Variants in RNF123 observed in about 807,000 individuals in gnomAD.
The protein encoded by RNF123 is E3 ubiquitin-protein ligase RNF123.
In RNF123, 86 loss-of-function variants were observed where a neutral mutation model predicts 168.5. The ratio of observed to expected loss-of-function variants is 0.51; its 90% confidence interval spans 0.43 to 0.61. RNF123 has a LOEUF of 0.61. RNF123 is among the 20% of genes least tolerant of loss of function. The pLI is 0.00. For synonymous variants in RNF123, 666 were observed against 689.1 expected (o/e 0.97, Z 0.52); for missense variants, 1,419 against 1,729.7 (o/e 0.82, Z 3.19).
intron 3 of RNF123, among the ~76,000 whole-genome samples, chr3:49,691,751 A>G (rs1182065455): frequency 1.3e-5 from 2 of 152,180 alleles, no homozygotes; most frequent in Non-Finnish European, 2.9e-5. Context: ...GCGGGTGCAC[A>G]TTCATGCCCA....
Position 49,699,027 on chromosome 3 carries a change from T to C in RNF123, c.686T>C (p.Leu229Pro). 1.2e-6 allele frequency: 2 copies of C among 1,613,980 alleles called. No individual in the cohort carries two copies. Among genetic ancestry groups the C allele is most frequent in the African/African-American group, 1.3e-5 (1 of 75,054 alleles). ...GCCTTTGAGAACCTGTCCAGGGGCC[T>C]GGGTATGGCCTACTTCCCAGCCATC... Reference protein sequence around the residue: ...GTAFENLSRGLGMAYFPAISL... With the variant: ...GTAFENLSRGPGMAYFPAISL... Residue 229 changes from leucine to proline, a missense_variant, in exon 10 of 39, where the codon CTG becomes CCG. Physicochemically the swap from Leu to Pro is moderately conservative, Grantham distance 98. Around this residue, in one of 5 missense-constraint regions of RNF123, gnomAD observed 318 missense variants for 446.6 expected, o/e 0.71. Transcript: ENST00000327697. This position sits in a 1 kb window ranked among gnomAD's most constrained non-coding sequence, Gnocchi z 4.8.
intron 25 of RNF123, among the ~76,000 whole-genome samples, 158 bp from the exon 26 acceptor site, chr3:49,706,633 A>T (rs2054525812): frequency 6.6e-6 from 1 of 152,228 alleles, no homozygotes; most frequent in East Asian, 1.9e-4. Flanking sequence ...GCTCAGGGTC[A>T]CCAGAGGGTC....
In RNF123 at chr3:49,719,189, C is replaced by G. The variant is rs1291939916; in HGVS notation, c.3501-1322C>G. On this transcript the variant is annotated intron_variant, in intron 35 of 38. Transcript: ENST00000327697. ...CCCAGCGCATCTAGTTCGTTGTGGT[C>G]TAGGTGCAGGGCGCGCAGCTGGAAG... The G allele has an allele frequency of 2.5e-6, 4 of 1,613,440 alleles. No homozygotes were observed. The South Asian group carries it at 4.4e-5, about 18-fold the overall frequency.
rs1244869935 is a variant in RNF123 at position 49,721,278 on chromosome 3, T to C, written c.3918T>C (p.Asn1306=). 2.5e-6 allele frequency: 4 copies of C among 1,614,178 alleles called. No homozygotes were observed. The highest frequency in any genetic ancestry group is 1.1e-5 in the South Asian group (1 of 91,088). The part of the protein sequence containing the change: ...VSVEDWEKGA[N]TSTTSSAA ...TAGAGGACTGGGAGAAGGGAGCCAA[T>C]ACGAGTACTACCTCCTCAGCTGCCT... Residue 1306 remains asparagine, a synonymous_variant, in exon 39 of 39, where the codon AAT becomes AAC. Transcript: ENST00000327697.
chr3:49,719,411 C>G (rs1392023884), intron 35 of RNF123: 1 of 1,613,654 alleles, frequency 6.2e-7, no homozygotes, highest in Non-Finnish European at 8.5e-7. Flanking sequence ...TCCGGGGTGC[C>G]TAACCCAACG....
chr3:49,715,253 C>T (rs917621922), intron 31 of RNF123, among the ~76,000 whole-genome samples: 1 of 152,212 alleles, frequency 6.6e-6, no homozygotes, highest in Non-Finnish European at 1.5e-5. Flanking sequence ...TAGGTCTGAC[C>T]CTATCTGAAG....
rs1272642320 is a variant in RNF123 at position 49,705,602 on chromosome 3, A to G, written c.2227A>G (p.Thr743Ala). ...CCCCGAGGAGCCTGAGCAGCCCCTCACCGAGAACTCGCTGCTGGAAGTCCT... is the reference window on the plus strand; with the variant it reads ...CCCCGAGGAGCCTGAGCAGCCCCTCGCCGAGAACTCGCTGCTGGAAGTCCT... ...RPPEEPEQPL[T>A]ENSLLEVLDG... The change falls in exon 24 of 39, where the codon ACC (threonine) becomes GCC (alanine). Residue 743 changes from threonine to alanine, a missense_variant. By Grantham distance (58) the Thr-to-Ala change is moderately conservative (BLOSUM62 0). This residue lies in a region of RNF123 where 538 missense variants were observed against 708.8 expected (regional missense o/e 0.76). Transcript: ENST00000327697. The G allele has an allele frequency of 6.2e-7, 1 of 1,613,564 alleles. No individual in the cohort carries two copies. Among genetic ancestry groups the G allele is most frequent in the East Asian group, 2.2e-5 (1 of 44,884 alleles).
Position 49,703,567 on chromosome 3 carries a change from C to G in RNF123, c.1852+39C>G, listed in dbSNP as rs745594048. On this transcript the variant is annotated intron_variant, in intron 21 of 38. Transcript: ENST00000327697. Reference sequence around the variant, plus strand: ...TGTGGGCCGGGAGCAGTTCTGGGGCCAGGTGGGGGACTGTCCCTGAGCCTG... The same window carrying G: ...TGTGGGCCGGGAGCAGTTCTGGGGCGAGGTGGGGGACTGTCCCTGAGCCTG... 4 of 1,541,264 alleles carry G rather than the reference C, an allele frequency of 2.6e-6. No individual in the cohort carries two copies. The African/African-American group carries it at 4.1e-5, about 16-fold the overall frequency.
chr3:49,712,946 C>A, intron 27 of RNF123: 1 of 703,026 alleles, frequency 1.4e-6, no homozygotes, highest in South Asian at 1.5e-5. Context: ...GAGCAACTGC[C>A]ATGGTCCAGG....
intron 20 of RNF123, among the ~76,000 whole-genome samples, chr3:49,703,144 G>A (rs908517640): frequency 6.6e-6 from 1 of 152,202 alleles, no homozygotes; most frequent in Non-Finnish European, 1.5e-5. Flanking sequence ...CCACAGGACT[G>A]GGGCTGGGCC....
intron 27 of RNF123, 74 bp from the exon 28 acceptor site, chr3:49,713,439 C>A: frequency 6.9e-7 from 1 of 1,446,582 alleles, no homozygotes; most frequent in Non-Finnish European, 9.5e-7. Flanking sequence ...TACCCAAGTC[C>A]ACCCACCCTG....
At position 49,691,223 on chromosome 3, in the gene RNF123, G is replaced by T; in HGVS notation, c.58G>T (p.Asp20Tyr). Reference sequence around the variant, plus strand: ...CCGCAAGAGCTATAGGCTGACCTCAGATGCTGAGAAATCCAGGGTCACAGG... The same window carrying T: ...CCGCAAGAGCTATAGGCTGACCTCATATGCTGAGAAATCCAGGGTCACAGG... ...FSRKSYRLTS[D>Y]AEKSRVTGIV... The change falls in exon 2 of 39, where the codon GAT becomes TAT. Residue 20 changes from aspartate (D) to tyrosine (Y), a missense_variant. Physicochemically the swap from Asp to Tyr is radical, Grantham distance 160. This residue lies in a region of RNF123 where 318 missense variants were observed against 446.6 expected (regional missense o/e 0.71). Coordinates refer to ENST00000327697, the MANE Select transcript of RNF123 (RefSeq NM_022064.5). 6.2e-7 allele frequency: 1 copy of T among 1,613,994 alleles called. No individual in the cohort carries two copies. The highest frequency in any genetic ancestry group is 8.5e-7 in the Non-Finnish European group (1 of 1,179,830).
In RNF123 at chr3:49,708,461, G is replaced by A. The variant is rs1056746473; in HGVS notation, c.2496+1563G>A. Among the ~76,000 whole-genome samples, 3 of 152,342 alleles carry A rather than the reference G, an allele frequency of 2.0e-5. No individual in the cohort carries two copies. In the East Asian group the frequency reaches 5.8e-4, roughly 29 times the overall value. The stretch of plus-strand genomic sequence containing the variant: ...CCTGGGTCTGGCAGCTGGGGGAGCA[G>A]TGGTTCTGGCATCAGGTCCCTGAGT... On this transcript the variant is annotated intron_variant, in intron 26 of 38. Coordinates refer to ENST00000327697, the MANE Select transcript of RNF123 (RefSeq NM_022064.5).
At chr3:49,718,168 GA>G (rs1199387428) in intron 35 of RNF123, 1 of 1,613,166 alleles carries the variant, frequency 6.2e-7, no homozygotes, top group Non-Finnish European at 8.5e-7. Flanking sequence ...GAGTACTGAG[GA>G]CTGTGCGCTC....
intron 26 of RNF123, among the ~76,000 whole-genome samples, chr3:49,712,170 G>C (rs538503720): frequency 4.0e-5 from 6 of 151,374 alleles, no homozygotes; most frequent in African/African-American, 7.3e-5. Flanking sequence ...GGTTTCCAGT[G>C]AGCCAAGAGG....
chr3:49,694,692 GT>G (rs1398451334), intron 3 of RNF123, among the ~76,000 whole-genome samples: 1 of 152,212 alleles, frequency 6.6e-6, no homozygotes, highest in Non-Finnish European at 1.5e-5. Flanking sequence ...CTTTAGGCAG[GT>G]CCAAAAGGCA....
At chr3:49,712,761 G>A (rs899125746) in intron 27 of RNF123, 105 bp downstream of exon 27, 1 of 1,309,454 alleles carries the variant, frequency 7.6e-7, no homozygotes, top group South Asian at 1.2e-5. Flanking sequence ...ACACTTCTGT[G>A]GGGGGCGGGG....
At chr3:49,717,862 C>T in intron 35 of RNF123, 1 of 1,417,866 alleles carries the variant, frequency 7.1e-7, no homozygotes, top group Non-Finnish European at 9.5e-7. Context: ...CAGTGCTTCC[C>T]ACCAGTATCT....
intron 7 of RNF123, 133 bp downstream of exon 7, chr3:49,698,270 C>G (rs550586814): frequency 1.1e-6 from 1 of 944,186 alleles, no homozygotes; most frequent in Non-Finnish European, 1.6e-6. Flanking sequence ...GGAGAAGAAA[C>G]GTGTCCCACC....
Sources: allele counts gnomAD v4.1 joint callset (sites outside exome capture counted in the v4.1 genomes callset), GRCh38; gene constraint gnomAD v4.1.1; regional missense constraint gnomAD v4.1.1; non-coding constraint Gnocchi (gnomAD v3.1); transcripts MANE v1.5; gene names NCBI Gene and HGNC (gene_info 2026-07-23, HGNC 2026-07-21).